Variants in DLG2 observed in about 807,000 individuals in gnomAD.
The protein encoded by DLG2 is discs large MAGUK scaffold protein 2, also known as disks large homolog 2.
A neutral mutation model predicts 132.5 loss-of-function variants in DLG2; 45 were observed. That is an observed-to-expected ratio of 0.34 (90% CI 0.27 to 0.44). The LOEUF (loss-of-function observed/expected upper bound fraction) is 0.44, where lower values mean the gene tolerates loss of function less well. Ranked by LOEUF, DLG2 falls within the 20% of genes least tolerant of loss-of-function variation. The pLI is 1.00. For synonymous variants in DLG2, 424 were observed against 419.6 expected (o/e 1.01, Z -0.13); for missense variants, 1,045 against 1,196.9 (o/e 0.87, Z 1.87).
intron 3 of DLG2, among the ~76,000 whole-genome samples, chr11:85,489,650 C>T (rs551205756): frequency 6.6e-6 from 1 of 152,108 alleles, no homozygotes; most frequent in Non-Finnish European, 1.5e-5. Context: ...ATATGTTAGG[C>T]CACAAACTAA....
chr11:85,144,692 C>G (rs11559612), intron 5 of DLG2, among the ~76,000 whole-genome samples: 1 of 151,850 alleles, frequency 6.6e-6, no homozygotes, highest in East Asian at 1.9e-4. Context: ...AATGCACAAG[C>G]AAAGAGAAAA....
At chr11:84,330,839 A>C (rs1244704899) in intron 7 of DLG2, among the ~76,000 whole-genome samples, 2 of 152,178 alleles carry the variant, frequency 1.3e-5, no homozygotes, top group Non-Finnish European at 2.9e-5. Flanking sequence ...TCTAGGTATG[A>C]ATATATGACA....
intron 21 of DLG2, among the ~76,000 whole-genome samples, chr11:83,492,425 C>G (rs1165114958): frequency 6.6e-6 from 1 of 151,944 alleles, no homozygotes; most frequent in Non-Finnish European, 1.5e-5. Flanking sequence ...TCTCCTCTCC[C>G]TCCCTCCCCA....
At chr11:84,221,623 A>C (rs978793636) in intron 8 of DLG2, among the ~76,000 whole-genome samples, 4 of 152,202 alleles carry the variant, frequency 2.6e-5, no homozygotes, top group Admixed American at 6.5e-5. Flanking sequence ...ACAGCATTTT[A>C]AGAAAATTTT....
chr11:83,896,193 T>G (rs975550357), intron 15 of DLG2, among the ~76,000 whole-genome samples: 1 of 152,196 alleles, frequency 6.6e-6, no homozygotes, highest in Non-Finnish European at 1.5e-5. Context: ...TGAAACTTAA[T>G]TTTGGAATAA....
chr11:85,306,087 G>A (rs765139221), intron 3 of DLG2, among the ~76,000 whole-genome samples: 8 of 152,082 alleles, frequency 5.3e-5, no homozygotes, highest in Non-Finnish European at 1.0e-4. Flanking sequence ...ATAAAATACA[G>A]AAAATACCCA....
At chr11:85,622,385 T>C (rs1344353643) in intron 2 of DLG2, among the ~76,000 whole-genome samples, 3 of 152,056 alleles carry the variant, frequency 2.0e-5, no homozygotes, top group African/African-American at 7.2e-5. Flanking sequence ...TAACCCGCAA[T>C]ATCTCTGAGA....
intron 7 of DLG2, among the ~76,000 whole-genome samples, chr11:84,265,920 G>A (rs1026099545): frequency 1.3e-5 from 2 of 151,916 alleles, no homozygotes; most frequent in Non-Finnish European, 2.9e-5. Flanking sequence ...TTAAATTTTG[G>A]TTTGCTACAT....
chr11:84,781,369 GAT>G lies in DLG2; in HGVS notation c.358-246640_358-246639del, dbSNP rs1224828968. 9.6e-4 allele frequency among the ~76,000 whole-genome samples: 146 copies of G among 152,072 alleles called. 3 individuals are homozygous for G. Among genetic ancestry groups the G allele is most frequent in the African/African-American group, 3.3e-3 (138 of 41,496 alleles). On this transcript the variant is annotated intron_variant, in intron 6 of 27. Coordinates refer to ENST00000376104, the MANE Select transcript of DLG2 (RefSeq NM_001142699.3). ...CTGAGAAGTTAGTTAAGGGTTTTCT[GAT>G]TGCTTTTTGCTGTTATTTTAGCACC...
intron 21 of DLG2, among the ~76,000 whole-genome samples, chr11:83,488,807 T>C (rs547587538): frequency 6.6e-6 from 1 of 152,004 alleles, no homozygotes; most frequent in Admixed American, 6.6e-5. Flanking sequence ...CCTGGGAAAG[T>C]TGTTACTGTA....
rs377696955 is a variant in DLG2, at chr11:84,042,378, T to A, written c.919+16937A>T. Among the ~76,000 whole-genome samples the A allele has an allele frequency of 1.3e-3, 196 of 151,992 alleles. 1 individual carries two copies. Among genetic ancestry groups the A allele is most frequent in the Middle Eastern group, 3.4e-3 (1 of 294 alleles). On this transcript the variant is annotated intron_variant, in intron 11 of 27. Transcript: ENST00000376104. ...GGATCTCTCTCATTATTGTTCTTTT[T>A]ATAAATTTTCCTTGCTATTATTGCT...
At chr11:84,791,795 A>G (rs1479868243) in intron 6 of DLG2, among the ~76,000 whole-genome samples, 2 of 152,104 alleles carry the variant, frequency 1.3e-5, no homozygotes, top group South Asian at 2.1e-4. Context: ...GTATTCTTCA[A>G]TTTTATTGAA....
At chr11:85,233,888 C>T (rs1565194422) in intron 4 of DLG2, among the ~76,000 whole-genome samples, 1 of 151,856 alleles carries the variant, frequency 6.6e-6, no homozygotes, top group Non-Finnish European at 1.5e-5. Flanking sequence ...CCATCTTAAA[C>T]TTGAAATATC....
chr11:84,773,357 A>G (rs1189550663), intron 6 of DLG2, among the ~76,000 whole-genome samples: 1 of 152,054 alleles, frequency 6.6e-6, no homozygotes, highest in Non-Finnish European at 1.5e-5. Flanking sequence ...ATAAAACACA[A>G]CTAGCACAAT....
intron 4 of DLG2, among the ~76,000 whole-genome samples, chr11:85,219,449 C>A (rs1565175257): frequency 1.3e-5 from 2 of 152,004 alleles, no homozygotes; most frequent in Admixed American, 1.3e-4. Flanking sequence ...TATCACAACT[C>A]CAGTGCCTAA....
intron 6 of DLG2, among the ~76,000 whole-genome samples, chr11:84,915,734 T>C (rs1296334692): frequency 6.6e-6 from 1 of 152,232 alleles, no homozygotes; most frequent in Non-Finnish European, 1.5e-5. Flanking sequence ...TGTGCATCTA[T>C]TCTTATTTGG....
chr11:84,313,025 T>G (rs1472610143), intron 7 of DLG2, among the ~76,000 whole-genome samples: 2 of 152,080 alleles, frequency 1.3e-5, no homozygotes, highest in East Asian at 1.9e-4. Flanking sequence ...TTGGCCAAGA[T>G]GGTCTCAATC....
intron 6 of DLG2, among the ~76,000 whole-genome samples, chr11:84,743,672 T>A (rs181638404): frequency 1.6e-4 from 24 of 152,224 alleles, no homozygotes; most frequent in African/African-American, 5.3e-4. Flanking sequence ...GCTATATGGA[T>A]AAGTCTGGAT....
intron 16 of DLG2, among the ~76,000 whole-genome samples, chr11:83,852,620 C>T (rs1043511456): frequency 4.6e-5 from 7 of 152,102 alleles, no homozygotes; most frequent in South Asian, 2.1e-4. Context: ...TGTAGTTGAA[C>T]TCTAAAAATT....
Sources: gnomAD v4.1 joint callset for allele counts (sites outside exome capture counted in the v4.1 genomes callset) on GRCh38, gnomAD v4.1.1 for gene constraint, MANE v1.5 for transcripts, NCBI Gene and HGNC (gene_info 2026-07-23, HGNC 2026-07-21) for gene names.